GRIK2: variants seen among roughly 807,000 people sequenced by gnomAD.
The protein encoded by GRIK2 is glutamate ionotropic receptor kainate type subunit 2.
GRIK2 carries 32 observed loss-of-function variants against 100.3 expected under a neutral mutation model. The observed-to-expected ratio is 0.32, with a 90% confidence interval of 0.24 to 0.43. The LOEUF (loss-of-function observed/expected upper bound fraction) is 0.43, where lower values mean the gene tolerates loss of function less well. Among genes scored for constraint, GRIK2 ranks in the 20% least tolerant of loss-of-function variants. The probability of loss-of-function intolerance (pLI) is 1.00; values close to 1 mark genes in which losing one functional copy is unlikely to be tolerated. For missense variants in GRIK2, 843 were observed against 1,114.9 expected, an observed-to-expected ratio of 0.76 and a Z score of 3.47; for synonymous variants, 417 against 389.4, an observed-to-expected ratio of 1.07 and a Z score of -0.83.
chr6:101,839,920 A>G (rs1232814544), intron 10 of GRIK2, among the ~76,000 whole-genome samples: 1 of 152,088 alleles, frequency 6.6e-6, no homozygotes, highest in Non-Finnish European at 1.5e-5. Flanking sequence ...TAATATATTG[A>G]TCTAGTTGGC....
At chr6:101,547,954 T>C (rs1486134987) in intron 2 of GRIK2, among the ~76,000 whole-genome samples, 3 of 152,168 alleles carry the variant, frequency 2.0e-5, no homozygotes, top group Non-Finnish European at 2.9e-5. Flanking sequence ...AAAGTGTTCC[T>C]GTTTCTCCAC....
chr6:101,417,661 C>T lies in GRIK2; in HGVS notation c.115+18269C>T, dbSNP rs9498581. Among the ~76,000 whole-genome samples, 218 of 152,208 alleles carry T rather than the reference C, an allele frequency of 1.4e-3. 1 individual carries two copies. Among genetic ancestry groups the T allele is most frequent in the African/African-American group, 5.0e-3 (209 of 41,502 alleles). On this transcript the variant is annotated intron_variant, in intron 2 of 16. Transcript: ENST00000369134. ...GGGCGTAGAATTACTTAAATATTGC[C>T]GTATGTTAGCCTTTGAGAGGCTTTT... is the stretch of plus-strand genomic sequence containing the variant.
At chr6:101,714,625 A>G (rs1773937541) in intron 7 of GRIK2, among the ~76,000 whole-genome samples, 1 of 151,802 alleles carries the variant, frequency 6.6e-6, no homozygotes, top group African/African-American at 2.4e-5. Flanking sequence ...TAGATAAAGC[A>G]CTTGTTCTCA....
intron 12 of GRIK2, among the ~76,000 whole-genome samples, chr6:101,910,602 A>G (rs1021340762): frequency 6.6e-6 from 1 of 151,310 alleles, no homozygotes; most frequent in Non-Finnish European, 1.5e-5. Context: ...ACCTAATCAT[A>G]TTGTATATTT....
intron 7 of GRIK2, among the ~76,000 whole-genome samples, chr6:101,700,213 A>C (rs1392320154): frequency 6.6e-6 from 1 of 151,884 alleles, no homozygotes; most frequent in African/African-American, 2.4e-5. Flanking sequence ...ATCTTTTCAC[A>C]TAGAACTAAA....
Position 101,442,226 on chromosome 6 carries a change from A to G in GRIK2, c.115+42834A>G, listed in dbSNP as rs78127525. Among the ~76,000 whole-genome samples the G allele has an allele frequency of 6.0e-3, 909 of 152,256 alleles. 4 individuals are homozygous for G. Among genetic ancestry groups the G allele is most frequent in the African/African-American group, 0.021 (881 of 41,564 alleles). ...AGGACCAGGAAAAGATTAGGCTCAC[A>G]GACACTTTGAAGGGTGGGGAGGATG... On this transcript the variant is annotated intron_variant, in intron 2 of 16. Coordinates refer to ENST00000369134, the MANE Select transcript of GRIK2 (RefSeq NM_021956.5).
chr6:102,055,238 T>C (rs1021677010), intron 15 of GRIK2, 92 bp from the exon 16 acceptor site: 2 of 936,410 alleles, frequency 2.1e-6, no homozygotes, highest in African/African-American at 3.3e-5. Flanking sequence ...TGAAGCATTT[T>C]GAAAAATCTC....
intron 2 of GRIK2, among the ~76,000 whole-genome samples, chr6:101,546,528 TC>T (rs1179418272): frequency 6.6e-6 from 1 of 152,162 alleles, no homozygotes; most frequent in Non-Finnish European, 1.5e-5. Flanking sequence ...AATCCCGGTT[TC>T]ACACTTATCA....
chr6:101,810,710 C>T (rs570592945), intron 9 of GRIK2, among the ~76,000 whole-genome samples: 5 of 151,968 alleles, frequency 3.3e-5, no homozygotes, highest in East Asian at 3.9e-4. Context: ...TATTAAACTT[C>T]GGTGTCAAGG....
At chr6:101,499,289 C>G (rs1221574425) in intron 2 of GRIK2, among the ~76,000 whole-genome samples, 1 of 152,022 alleles carries the variant, frequency 6.6e-6, no homozygotes, top group African/African-American at 2.4e-5. Flanking sequence ...TTTTCTTACG[C>G]TTACCGAATA....
intron 4 of GRIK2, among the ~76,000 whole-genome samples, chr6:101,665,235 T>A (rs1219739143): frequency 6.6e-6 from 1 of 152,140 alleles, no homozygotes; most frequent in Non-Finnish European, 1.5e-5. Context: ...GTCCACTTCA[T>A]TTTCCTTAAC....
At chr6:101,595,698 ATGTG>A (rs200462444) in intron 2 of GRIK2, among the ~76,000 whole-genome samples, 170 of 136,562 alleles carry the variant, frequency 1.2e-3, no homozygotes, top group African/African-American at 1.7e-3. Flanking sequence ...GTATATATAT[ATGTG>A]TGTGTGTGTG....
At position 101,591,288 on chromosome 6, in the gene GRIK2, C is replaced by CT. The variant is rs551138246; in HGVS notation, c.116-30651dup. On this transcript the variant is annotated intron_variant, in intron 2 of 16. Coordinates refer to ENST00000369134, the MANE Select transcript of GRIK2 (RefSeq NM_021956.5). ...ATAATTTCCACTTAGTATTTCTCTC[C>CT]TTTTTTTTTTGCTCTTCTAATGCCG... is the stretch of plus-strand genomic sequence containing the variant. 5.4e-3 allele frequency among the ~76,000 whole-genome samples: 786 copies of CT among 145,314 alleles called. 2 individuals carry two copies. The highest frequency in any genetic ancestry group is 0.028 in the South Asian group (128 of 4,560).
In GRIK2 at chr6:101,599,753, G is replaced by GT. The variant is rs1178968718; in HGVS notation, c.116-22190dup. ...TTTTTGCACACTTTTTAATGGGGTT[G>GT]TTTTTTGCTTGTTCAATTGTTTAGG... On this transcript the variant is annotated intron_variant, in intron 2 of 16. Coordinates refer to ENST00000369134, the MANE Select transcript of GRIK2 (RefSeq NM_021956.5). Among the ~76,000 whole-genome samples, 11 of 151,622 alleles carry GT rather than the reference G, an allele frequency of 7.3e-5. No individual in the cohort carries two copies. The South Asian group carries it at 1.0e-3, about 14-fold the overall frequency.
intron 2 of GRIK2, among the ~76,000 whole-genome samples, chr6:101,530,862 A>G (rs1775407157): frequency 6.6e-6 from 1 of 152,076 alleles, no homozygotes; most frequent in Admixed American, 6.6e-5. Flanking sequence ...GGGAGAATGA[A>G]CAGAACTTAC....
rs538027997 is a variant in GRIK2, at chr6:101,690,624, T to C, written c.951+4271T>C. ...CTCCTCATCATTTACTAGGTGTAACTTGAGCTCATTTGCCAAGCCTAAAAA... is the reference window on the plus strand; with the variant it reads ...CTCCTCATCATTTACTAGGTGTAACCTGAGCTCATTTGCCAAGCCTAAAAA... On this transcript the variant is annotated intron_variant, in intron 7 of 16. Coordinates refer to ENST00000369134, the MANE Select transcript of GRIK2 (RefSeq NM_021956.5). Among the ~76,000 whole-genome samples, 182 of 152,218 alleles carry C rather than the reference T, an allele frequency of 1.2e-3. 1 individual carries two copies. The highest frequency in any genetic ancestry group is 4.3e-3 in the African/African-American group (177 of 41,544).
intron 2 of GRIK2, among the ~76,000 whole-genome samples, chr6:101,561,982 A>G (rs1777042582): frequency 1.3e-5 from 2 of 152,154 alleles, no homozygotes; most frequent in Non-Finnish European, 1.5e-5. Context: ...GGTTTAAATT[A>G]GTTGTAGTAT....
chr6:101,548,214 A>C (rs1201590072), intron 2 of GRIK2, among the ~76,000 whole-genome samples: 4 of 151,960 alleles, frequency 2.6e-5, no homozygotes, highest in Non-Finnish European at 1.5e-5. Context: ...TAGATTCTGG[A>C]TATTAGCCCT....
At position 102,055,322 on chromosome 6, in the gene GRIK2, T is replaced by G. The variant is rs180799513; in HGVS notation, c.2312-8T>G. The stretch of plus-strand genomic sequence containing the variant: ...TTGAAATACTTAACATAACCTCTCC[T>G]TTCTTAGGTTCTCCATATCGAGACA... On this transcript the variant is annotated splice_region_variant and splice_polypyrimidine_tract_variant and intron_variant, in intron 15 of 16. Transcript: ENST00000369134. The G allele has an allele frequency of 4.7e-3, 7,459 of 1,603,348 alleles. 149 individuals carry two copies. In the Admixed American group the frequency reaches 0.056, roughly 12 times the overall value.
Sources: allele counts gnomAD v4.1 joint callset (sites outside exome capture counted in the v4.1 genomes callset), GRCh38; gene constraint gnomAD v4.1.1; transcripts MANE v1.5; gene names NCBI Gene and HGNC (gene_info 2026-07-23, HGNC 2026-07-21).